PCDHGB5: variants seen among roughly 807,000 people sequenced by gnomAD.
The protein encoded by PCDHGB5 is protocadherin gamma subfamily B, 5, also known as protocadherin gamma-B5.
A neutral mutation model predicts 62.9 loss-of-function variants in PCDHGB5; 48 were observed. The ratio of observed to expected loss-of-function variants is 0.76; its 90% CI spans 0.61 to 0.97. The LOEUF (loss-of-function observed/expected upper bound fraction) is 0.97, where lower values mean the gene tolerates loss of function less well. PCDHGB5 is among the 50% of genes least tolerant of loss of function. The pLI, the probability that PCDHGB5 is intolerant of heterozygous loss-of-function variation, is 0.00. For missense variants in PCDHGB5, 1,118 were observed against 1,198.6 expected (o/e 0.93, Z 0.99); for synonymous variants, 474 against 511.2 (o/e 0.93, Z 0.98).
chr5:141,409,711 A>T (rs768917889), intron 1 of PCDHGB5: 1 of 1,613,204 alleles, frequency 6.2e-7, no homozygotes, highest in Non-Finnish European at 8.5e-7. Flanking sequence ...CGGTGTCGTC[A>T]TACGTGTCAG....
In PCDHGB5 at chr5:141,398,353, A is replaced by G; in HGVS notation, c.226A>G (p.Thr76Ala). Residue 76 changes from threonine to alanine, a missense_variant, in exon 1 of 4, where the codon ACC becomes GCC. Transcript: ENST00000617380. ...LRVSSEKPYF[T>A]VSAESGELLV... The stretch of plus-strand genomic sequence containing the variant: ...CGTCAGTTCGGAGAAGCCTTACTTC[A>G]CCGTGAGCGCAGAGAGCGGGGAGTT... The G allele has an allele frequency of 2.9e-6, 4 of 1,397,978 alleles. No homozygotes were observed. Among genetic ancestry groups the G allele is most frequent in the Non-Finnish European group, 4.0e-6 (4 of 1,007,138 alleles). The allele number at this position is 1,397,978 out of a possible 1,614,324, so 86.6% of individuals were successfully genotyped here.
In PCDHGB5 at chr5:141,510,915, A is replaced by G; in HGVS notation, c.2546-32A>G. 8 of 1,613,786 alleles carry G rather than the reference A, an allele frequency of 5.0e-6. No individual in the cohort carries two copies. The South Asian group carries it at 8.8e-5, about 18-fold the overall frequency. ...AGTGACTGTTGAGGACCCTAAGTTT[A>G]GCTCCCACCTGATCTTCCTCTGTCT... On this transcript the variant is annotated intron_variant, in intron 3 of 3. Coordinates refer to ENST00000617380, the MANE Select transcript of PCDHGB5 (RefSeq NM_018925.3).
chr5:141,465,502 G>A (rs948827391), intron 1 of PCDHGB5, among the ~76,000 whole-genome samples: 6 of 152,268 alleles, frequency 3.9e-5, no homozygotes, highest in Admixed American at 2.0e-4. Context: ...GAGCATTGTC[G>A]TGGTCAGGAA....
Position 141,511,376 on chromosome 5 carries a change from G to C in PCDHGB5, c.*203G>C. ...CCAGGGGGTTGAATATGCAAAAGCA[G>C]TTCCGCTGGGAACCCCCATCCAATC... On this transcript the variant is annotated 3_prime_UTR_variant, in exon 4 of 4. Coordinates refer to ENST00000617380, the MANE Select transcript of PCDHGB5 (RefSeq NM_018925.3). 1 of 1,211,520 alleles carries C rather than the reference G, an allele frequency of 8.3e-7. No homozygotes were observed. The allele number at this position is 1,211,520 out of a possible 1,614,324, so 75.0% of individuals were successfully genotyped here.
At chr5:141,458,359 A>C (rs2098943826) in intron 1 of PCDHGB5, among the ~76,000 whole-genome samples, 1 of 152,142 alleles carries the variant, frequency 6.6e-6, no homozygotes, top group Non-Finnish European at 1.5e-5. Context: ...AATAAGCAAG[A>C]AGGAAGGGAG....
chr5:141,435,922 G>A (rs1312886163), intron 1 of PCDHGB5, among the ~76,000 whole-genome samples: 1 of 152,070 alleles, frequency 6.6e-6, no homozygotes, highest in Non-Finnish European at 1.5e-5. Context: ...TCTAAAATGC[G>A]GCAGTTGCTG....
chr5:141,486,967 G>C lies in PCDHGB5; in HGVS notation c.2398-7840G>C. The C allele has an allele frequency of 6.2e-7, 1 of 1,614,202 alleles. No homozygotes were observed. Among genetic ancestry groups the C allele is most frequent in the Non-Finnish European group, 8.5e-7 (1 of 1,180,032 alleles). ...TCACAAAGGTGACTGCTGTGGACTT[G>C]GATTCAGGTTACAATGCTTGGGTTT... On this transcript the variant is annotated intron_variant, in intron 1 of 3. Transcript: ENST00000617380. The surrounding 1 kb of genome is among the most constrained non-coding windows in gnomAD (Gnocchi z 5.0).
chr5:141,421,933 G>A (rs1310432014), intron 1 of PCDHGB5: 1 of 1,613,446 alleles, frequency 6.2e-7, no homozygotes, highest in Non-Finnish European at 8.5e-7. Flanking sequence ...GGTCCTCGAT[G>A]TAAATGATCA....
intron 1 of PCDHGB5, chr5:141,423,244 C>T: frequency 1.2e-6 from 2 of 1,613,984 alleles, no homozygotes; most frequent in Non-Finnish European, 1.7e-6. Context: ...CCCCGAAGTC[C>T]TGGCGGACCT....
In PCDHGB5 at chr5:141,423,130, G is replaced by A. The variant is rs770258338; in HGVS notation, c.2397+22606G>A. On this transcript the variant is annotated intron_variant, in intron 1 of 3. Coordinates refer to ENST00000617380, the MANE Select transcript of PCDHGB5 (RefSeq NM_018925.3). The stretch of plus-strand genomic sequence containing the variant: ...GGTGCGTACAGCGCGGGCACTGCTG[G>A]ACAGAGACGCGCTCAAGCAGAGCCT... The A allele has an allele frequency of 9.3e-6, 15 of 1,613,582 alleles. No individual in the cohort carries two copies. Among genetic ancestry groups the A allele is most frequent in the Middle Eastern group, 1.6e-4 (1 of 6,072 alleles).
At position 141,400,290 on chromosome 5, in the gene PCDHGB5, C is replaced by G. The variant is rs1455484413; in HGVS notation, c.2163C>G (p.Ser721Arg). The stretch of plus-strand genomic sequence containing the variant: ...GCTCCTCCAGCCCTGCCGCCTGGAG[C>G]TGCTTCCAACCTGGTCTCTGTGTCA... ...LRRSSSPAAW[S>R]CFQPGLCVKS... Residue 721 changes from serine to arginine, a missense_variant, in exon 1 of 4, where the codon AGC becomes AGG. Around this residue, in one of 2 missense-constraint regions of PCDHGB5, gnomAD observed 1,034 missense variants for 1,029.1 expected, o/e 1.00. Transcript: ENST00000617380. 5 of 1,613,972 alleles carry G rather than the reference C, an allele frequency of 3.1e-6. No homozygotes were observed. Among genetic ancestry groups the G allele is most frequent in the Non-Finnish European group, 3.4e-6 (4 of 1,179,918 alleles).
At chr5:141,442,205 A>G (rs2098308049) in intron 1 of PCDHGB5, 1 of 153,214 alleles carries the variant, frequency 6.5e-6, no homozygotes, top group Admixed American at 6.5e-5. Context: ...ATATCTGGTG[A>G]TTGCCTTAGC....
intron 1 of PCDHGB5, chr5:141,410,134 C>G (rs573769764): frequency 6.2e-7 from 1 of 1,612,766 alleles, no homozygotes; most frequent in Admixed American, 1.7e-5. Context: ...GCCTGCTGGT[C>G]GCTGTGCGTG....
At chr5:141,425,987 G>A (rs1304785231) in intron 1 of PCDHGB5, among the ~76,000 whole-genome samples, 1 of 152,188 alleles carries the variant, frequency 6.6e-6, no homozygotes, top group Non-Finnish European at 1.5e-5. Flanking sequence ...GAATCCCATT[G>A]AATTAGCAAA....
Position 141,491,905 on chromosome 5 carries a change from G to A in PCDHGB5, c.2398-2902G>A. 7.1e-7 allele frequency: 1 copy of A among 1,418,328 alleles called. No individual in the cohort carries two copies. Among genetic ancestry groups the A allele is most frequent in the Non-Finnish European group, 9.3e-7 (1 of 1,069,952 alleles). 87.9% of individuals were successfully genotyped at this position (1,418,328 alleles called of 1,614,324 possible). ...GATGGGGCTCCGAGCACCGGGGGTG[G>A]TGGCGACTGTGGGCGAGGGGAGGTG... On this transcript the variant is annotated intron_variant, in intron 1 of 3. Transcript: ENST00000617380. This position sits in a 1 kb window ranked among gnomAD's most constrained non-coding sequence, Gnocchi z 6.9.
At chr5:141,438,610 A>G (rs2098013566) in intron 1 of PCDHGB5, among the ~76,000 whole-genome samples, 1 of 30,060 alleles carries the variant, frequency 3.3e-5, no homozygotes, top group African/African-American at 2.4e-4. Flanking sequence ...ATATATATAT[A>G]TATATATATA....
chr5:141,399,129 A>G lies in PCDHGB5; in HGVS notation c.1002A>G (p.Gln334=), dbSNP rs1280077247. ...AATGTACAGTTGAAATTAATATTCA[A>G]GATGAAAATGACAATAGCCCAGAAG... ...VAQCTVEINI[Q]DENDNSPEVT... is the part of the protein sequence containing the mutation. The change falls in exon 1 of 4, where the codon CAA becomes CAG. Residue 334 remains glutamine, a synonymous_variant. Coordinates refer to ENST00000617380, the MANE Select transcript of PCDHGB5 (RefSeq NM_018925.3). The G allele has an allele frequency of 1.2e-6, 2 of 1,613,848 alleles. No individual in the cohort carries two copies. Among genetic ancestry groups the G allele is most frequent in the Non-Finnish European group, 8.5e-7 (1 of 1,179,870 alleles).
At chr5:141,435,180 C>G (rs1341148119) in intron 1 of PCDHGB5, among the ~76,000 whole-genome samples, 1 of 152,074 alleles carries the variant, frequency 6.6e-6, no homozygotes, top group African/African-American at 2.4e-5. Context: ...TTTAACTACA[C>G]TTGAGATGGC....
At chr5:141,414,481 C>T (rs1011579090) in intron 1 of PCDHGB5, 2 of 1,613,948 alleles carry the variant, frequency 1.2e-6, no homozygotes, top group Non-Finnish European at 1.7e-6. Context: ...AAGTCCTCCT[C>T]TATCAACGGA....
Sources: gnomAD v4.1 joint callset for allele counts (sites outside exome capture counted in the v4.1 genomes callset) on GRCh38, gnomAD v4.1.1 for gene constraint, gnomAD v4.1.1 regional missense constraint, Gnocchi (gnomAD v3.1) non-coding constraint, MANE v1.5 for transcripts, NCBI Gene and HGNC (gene_info 2026-07-23, HGNC 2026-07-21) for gene names.